The following CLPTM1L variants were observed in gnomAD, a reference collection of about 807,000 sequenced individuals.
CLPTM1L encodes the protein lipid scramblase CLPTM1L.
A neutral mutation model predicts 70.9 loss-of-function variants in CLPTM1L; 38 were observed. That is an observed-to-expected ratio of 0.54 (90% CI 0.41 to 0.70). CLPTM1L has a LOEUF of 0.70. Among genes scored for constraint, CLPTM1L ranks in the 30% least tolerant of loss-of-function variants. The probability of loss-of-function intolerance (pLI) is 0.00; values close to 1 mark genes in which losing one functional copy is unlikely to be tolerated. For synonymous variants in CLPTM1L, 339 were observed against 299.9 expected (o/e 1.13, Z -1.35); for missense variants, 652 against 705.9 (o/e 0.92, Z 0.87).
At chr5:1,343,083 T>C (rs1193300451) in intron 2 of CLPTM1L, among the ~76,000 whole-genome samples, 2 of 152,104 alleles carry the variant, frequency 1.3e-5, no homozygotes, top group Admixed American at 6.5e-5. Flanking sequence ...CTCAGCTACT[T>C]TGGAGGCTAA....
intron 11 of CLPTM1L, chr5:1,324,085 A>C (rs1752356150): frequency 1.8e-6 from 1 of 570,052 alleles, no homozygotes; most frequent in African/African-American, 1.9e-5. Flanking sequence ...GCCCGGGTGT[A>C]ACTACAGGCG....
chr5:1,328,470 A>G (rs1384199348), intron 9 of CLPTM1L, among the ~76,000 whole-genome samples: 3 of 147,450 alleles, frequency 2.0e-5, no homozygotes, highest in African/African-American at 7.7e-5. Flanking sequence ...CCTCCTCTGC[A>G]GACACATTCC....
intron 5 of CLPTM1L, among the ~76,000 whole-genome samples, chr5:1,337,643 C>T (rs932506473): frequency 2.6e-5 from 4 of 152,248 alleles, no homozygotes; most frequent in African/African-American, 7.2e-5. Flanking sequence ...GCTGCATAAA[C>T]AATCTTCCAG....
At chr5:1,325,262 C>T in intron 10 of CLPTM1L, 1 of 251,542 alleles carries the variant, frequency 4.0e-6, no homozygotes. Flanking sequence ...GAGGGCCCCG[C>T]CTCAATCAAG....
chr5:1,325,245 G>C, intron 10 of CLPTM1L: 1 of 253,140 alleles, frequency 4.0e-6, no homozygotes, highest in Non-Finnish European at 7.6e-6. Flanking sequence ...CTCAGCCTGT[G>C]ACTGCTGAGG....
rs1753489097 is a variant in CLPTM1L, at chr5:1,335,150, G to A, written c.703C>T (p.Leu235=). ...TTGTCGTAGGACACGGTGAGGGGCA[G>A]CTCGGTGGTGGAGCGGTTTATGACC... is the stretch of plus-strand genomic sequence containing the variant. The part of the protein sequence containing the change: ...LMVINRSTTE[L]PLTVSYDKVS... The change falls in exon 6 of 17, where the codon CTG becomes TTG. Residue 235 remains leucine, a synonymous_variant. Coordinates refer to ENST00000320895, the MANE Select transcript of CLPTM1L (RefSeq NM_030782.5). 1 of 1,613,584 alleles carries A rather than the reference G, an allele frequency of 6.2e-7. No individual in the cohort carries two copies. Among genetic ancestry groups the A allele is most frequent in the African/African-American group, 1.3e-5 (1 of 74,960 alleles).
rs1561232923 is a variant in CLPTM1L at position 1,325,930 on chromosome 5, C to A, written c.1081-114G>T. ...GCTGCCCATGGCCCCGCGCAGCCCA[C>A]TGTCCTCTTCCTGTCCCTCCCACAG... On this transcript the variant is annotated intron_variant, in intron 9 of 16. Transcript: ENST00000320895. 1.7e-5 allele frequency: 14 copies of A among 830,590 alleles called. No homozygotes were observed. In the South Asian group the frequency reaches 2.0e-4, roughly 12 times the overall value. 51.5% of individuals were successfully genotyped at this position (830,590 alleles called of 1,614,324 possible).
chr5:1,327,136 A>G (rs1351865104), intron 9 of CLPTM1L, among the ~76,000 whole-genome samples: 72 of 132,024 alleles, frequency 5.5e-4, no homozygotes, highest in African/African-American at 1.5e-3. Context: ...TCCTCTACAG[A>G]CACATTTCAT....
chr5:1,328,803 C>T (rs975507943), intron 9 of CLPTM1L, among the ~76,000 whole-genome samples: 16 of 151,528 alleles, frequency 1.1e-4, no homozygotes, highest in African/African-American at 3.9e-4. Flanking sequence ...ACATTTCATC[C>T]AGCTCCTGCT....
chr5:1,337,844 G>T, intron 5 of CLPTM1L, 60 bp downstream of exon 5: 2 of 1,355,790 alleles, frequency 1.5e-6, no homozygotes, highest in Non-Finnish European at 2.1e-6. Context: ...GGGCTGCGGG[G>T]CCAGTCTTGG....
At chr5:1,339,331 G>C (rs533470768) in intron 3 of CLPTM1L, among the ~76,000 whole-genome samples, 1 of 134,462 alleles carries the variant, frequency 7.4e-6, no homozygotes, top group African/African-American at 2.9e-5. Context: ...CAGGGTCAGC[G>C]CCCTAACCTG....
chr5:1,319,339 G>A (rs1487130199), intron 16 of CLPTM1L, among the ~76,000 whole-genome samples: 2 of 96,864 alleles, frequency 2.1e-5, no homozygotes, highest in Non-Finnish European at 4.0e-5. Flanking sequence ...TGCAGGGGCT[G>A]CACGAGACAG....
Position 1,330,326 on chromosome 5 carries a change from G to C in CLPTM1L, c.1034C>G (p.Thr345Arg). ...CGCCGGGACCAGCACCAGCAGGCTC[G>C]TCTGCTCGTCCAGCAGGAACAGAAA... ...VIFLFLLDEQ[T>R]SLLVLVPAGV... The change falls in exon 9 of 17, where the codon ACG becomes AGG. Residue 345 changes from threonine to arginine, a missense_variant. Thr to Arg is a moderately conservative substitution (Grantham distance 71). Transcript: ENST00000320895. 6.2e-7 allele frequency: 1 copy of C among 1,612,826 alleles called. No individual in the cohort carries two copies. The highest frequency in any genetic ancestry group is 1.1e-5 in the South Asian group (1 of 91,082).
Position 1,331,793 on chromosome 5 carries a change from G to T in CLPTM1L, c.976+6C>A, listed in dbSNP as rs752485426. ...ATCTGAGCAGGGCCACGCTCGGGGG[G>T]CCTACCTGCCTTGGTGGACATGCCG... On this transcript the variant is annotated splice_donor_region_variant and intron_variant, in intron 8 of 16. Transcript: ENST00000320895. 1 of 1,612,518 alleles carries T rather than the reference G, an allele frequency of 6.2e-7. No individual in the cohort carries two copies. Among genetic ancestry groups the T allele is most frequent in the African/African-American group, 1.3e-5 (1 of 74,920 alleles).
In CLPTM1L at chr5:1,344,491, C is replaced by T. The variant is rs771555688; in HGVS notation, c.163-40G>A. 3 of 1,567,450 alleles carry T rather than the reference C, an allele frequency of 1.9e-6. No individual in the cohort carries two copies. In the South Asian group the frequency reaches 3.3e-5, roughly 17 times the overall value. ...GCGTCGAGAGTCAGCTCGGCCAGGC[C>T]CTGGCAGGACGCACTCAAATCCCAC... is the stretch of plus-strand genomic sequence containing the variant. On this transcript the variant is annotated intron_variant, in intron 1 of 16. Transcript: ENST00000320895.
intron 3 of CLPTM1L, 58 bp downstream of exon 3, chr5:1,341,613 C>G (rs1431840592): frequency 6.9e-7 from 1 of 1,441,376 alleles, no homozygotes; most frequent in Non-Finnish European, 9.4e-7. Flanking sequence ...TGGAGAAAGA[C>G]ATGTCCGTTC....
rs748531640 is a variant in CLPTM1L at position 1,334,244 on chromosome 5, G to A, written c.891+45C>T. 7 of 1,467,426 alleles carry A rather than the reference G, an allele frequency of 4.8e-6. No individual in the cohort carries two copies. In the African/African-American group the frequency reaches 5.6e-5, roughly 12 times the overall value. 90.9% of individuals were successfully genotyped at this position (1,467,426 alleles called of 1,614,324 possible). On this transcript the variant is annotated intron_variant, in intron 7 of 16. Coordinates refer to ENST00000320895, the MANE Select transcript of CLPTM1L (RefSeq NM_030782.5). Reference sequence around the variant, plus strand: ...CCCTGCAGGAGGCCCGGGGCCCAGGGAGCCCCCCAAGTGCCTGCGGCAAGC... The same window carrying A: ...CCCTGCAGGAGGCCCGGGGCCCAGGAAGCCCCCCAAGTGCCTGCGGCAAGC...
chr5:1,333,734 T>A (rs796844259), intron 7 of CLPTM1L, among the ~76,000 whole-genome samples: 1 of 123,574 alleles, frequency 8.1e-6, no homozygotes, highest in African/African-American at 3.5e-5. Context: ...ACACACCGGA[T>A]GAGGATAAGG....
At chr5:1,331,063 C>CA (rs2111227843) in intron 8 of CLPTM1L, 1 of 153,132 alleles carries the variant, frequency 6.5e-6, no homozygotes, top group African/African-American at 2.4e-5. Flanking sequence ...CACTCCTAAC[C>CA]AACAGGACAC....
Sources: gnomAD v4.1 joint callset for allele counts (sites outside exome capture counted in the v4.1 genomes callset) on GRCh38, gnomAD v4.1.1 for gene constraint, MANE v1.5 for transcripts, NCBI Gene and HGNC (gene_info 2026-07-23, HGNC 2026-07-21) for gene names.